The following CCDC88C variants were observed in gnomAD, a reference collection of about 807,000 sequenced individuals.
The protein encoded by CCDC88C is coiled-coil and HOOK domain protein 88C, also known as protein Daple.
In CCDC88C, 131 loss-of-function variants were observed where a neutral mutation model predicts 198.8. That is an observed-to-expected ratio of 0.66 (90% CI 0.57 to 0.76). The LOEUF (loss-of-function observed/expected upper bound fraction) is 0.76, where lower values mean the gene tolerates loss of function less well. Ranked by LOEUF, CCDC88C falls within the 30% of genes least tolerant of loss-of-function variation. The pLI is 0.00. For missense variants in CCDC88C, 2,553 were observed against 2,631.6 expected (o/e 0.97, Z 0.65); for synonymous variants, 1,166 against 1,114.7 (o/e 1.05, Z -0.92).
rs142197686 is a variant in CCDC88C at position 91,359,646 on chromosome 14, C to T, written c.336G>A (p.Leu112=). Residue 112 remains leucine (L), a synonymous_variant, in exon 4 of 30, where the codon CTG becomes CTA. Transcript: ENST00000389857. ...AAGGGAGCGGCTTTCACTCACCAGA[C>T]AGTGGGTCTCTGCCAATCATCAAAA... ...PNVLMIGRDP[L]SGKSMEEIKK... 4.4e-5 allele frequency: 71 copies of T among 1,606,478 alleles called. 1 individual carries two copies. In the East Asian group the frequency reaches 9.8e-4, roughly 22 times the overall value.
chr14:91,394,154 C>A (rs1017620144), intron 3 of CCDC88C, among the ~76,000 whole-genome samples: 5 of 152,186 alleles, frequency 3.3e-5, no homozygotes, highest in Admixed American at 6.5e-5. Context: ...GCTGGCTAGA[C>A]AAAGTTGAAA....
chr14:91,283,464 G>T lies in CCDC88C; in HGVS notation c.4495C>A (p.Arg1499Ser). 1 of 1,613,032 alleles carries T rather than the reference G, an allele frequency of 6.2e-7. No individual in the cohort carries two copies. The highest frequency in any genetic ancestry group is 8.5e-7 in the Non-Finnish European group (1 of 1,179,538). The change falls in exon 26 of 30, where the codon CGC (arginine) becomes AGC (serine). Residue 1499 changes from arginine (R) to serine (S), a missense_variant. Physicochemically the swap from Arg to Ser is moderately radical, Grantham distance 110. This residue lies in a region of CCDC88C where 1,293 missense variants were observed against 1,219.6 expected (regional missense o/e 1.06). Transcript: ENST00000389857. ...GCCAGATCGGTGGAGGCATCTGTGC[G>T]GTCAAGGCTGCCTCTGTGTGGGGAG... ...RGSPHRGSLD[R>S]TDASTDLAMR... is the part of the protein sequence containing the mutation.
rs1192228684 is a variant in CCDC88C at position 91,313,604 on chromosome 14, C to G, written c.2212G>C (p.Glu738Gln). The change falls in exon 15 of 30, where the codon GAG becomes CAG. Residue 738 changes from glutamate to glutamine, a missense_variant. Around this residue, in one of 2 missense-constraint regions of CCDC88C, gnomAD observed 1,260 missense variants for 1,412.0 expected, o/e 0.89. Transcript: ENST00000389857. The surrounding 1 kb of genome is among the most constrained non-coding windows in gnomAD (Gnocchi z 5.2). Reference sequence around the variant, plus strand: ...AGATCCACGTTCTTCCTCAGCTCCTCCTTCTCACGCTCCAGCTGCTGGTTC... The same window carrying G: ...AGATCCACGTTCTTCCTCAGCTCCTGCTTCTCACGCTCCAGCTGCTGGTTC... Reference protein sequence around the residue: ...RENQQLEREKEELRKNVDLLK... With the variant: ...RENQQLEREKQELRKNVDLLK... 6.2e-7 allele frequency: 1 copy of G among 1,612,708 alleles called. No individual in the cohort carries two copies. Among genetic ancestry groups the G allele is most frequent in the East Asian group, 2.2e-5 (1 of 44,876 alleles).
intron 10 of CCDC88C, 116 bp downstream of exon 10, chr14:91,337,889 C>T (rs909833552): frequency 6.1e-6 from 8 of 1,305,046 alleles, no homozygotes; most frequent in Middle Eastern, 2.5e-4. Context: ...GGGGAAGCAT[C>T]TGCTGAAACA....
In CCDC88C at chr14:91,325,156, G is replaced by A. The variant is rs1415693395; in HGVS notation, c.1198-233C>T. On this transcript the variant is annotated intron_variant, in intron 11 of 29. Coordinates refer to ENST00000389857, the MANE Select transcript of CCDC88C (RefSeq NM_001080414.4). The surrounding 1 kb of genome is among the most constrained non-coding windows in gnomAD (Gnocchi z 4.1). ...CTAGGTTATGAAGACAGACCCGGCC[G>A]GGGTCCCTAACTGAATGCTGTCTGA... 6.6e-5 allele frequency among the ~76,000 whole-genome samples: 10 copies of A among 152,198 alleles called. No homozygotes were observed. Among genetic ancestry groups the A allele is most frequent in the South Asian group, 4.1e-4 (2 of 4,832 alleles).
intron 22 of CCDC88C, among the ~76,000 whole-genome samples, chr14:91,295,909 T>C (rs1890982080): frequency 6.6e-6 from 1 of 152,100 alleles, no homozygotes; most frequent in South Asian, 2.1e-4. Context: ...TGATGTCCTT[T>C]CAAGAAAAGG....
chr14:91,359,001 C>A (rs1430347574), intron 4 of CCDC88C, among the ~76,000 whole-genome samples: 1 of 152,162 alleles, frequency 6.6e-6, no homozygotes, highest in African/African-American at 2.4e-5. Flanking sequence ...AGGTACCACA[C>A]TCCCTGATGG....
At chr14:91,285,258 T>TA (rs550595203) in intron 25 of CCDC88C, 29 of 253,142 alleles carry the variant, frequency 1.1e-4, no homozygotes, top group East Asian at 6.1e-4. Context: ...AAATAAGTCT[T>TA]AAAAAAAACC....
intron 2 of CCDC88C, among the ~76,000 whole-genome samples, chr14:91,412,835 A>C (rs1291908342): frequency 6.6e-6 from 1 of 152,164 alleles, no homozygotes; most frequent in Non-Finnish European, 1.5e-5. Flanking sequence ...GTTTTTTCCC[A>C]AGATTTTTGC....
rs756101270 is a variant in CCDC88C at position 91,308,387 on chromosome 14, C to T, written c.2970G>A (p.Ala990=). The T allele has an allele frequency of 5.6e-6, 9 of 1,614,036 alleles. No homozygotes were observed. The highest frequency in any genetic ancestry group is 1.1e-5 in the South Asian group (1 of 91,086). The change falls in exon 17 of 30, where the codon GCG becomes GCA. Residue 990 remains alanine, a synonymous_variant. Transcript: ENST00000389857. The part of the protein sequence containing the change: ...VLLEAQMEEK[A]SLNRQLESEL... The stretch of plus-strand genomic sequence containing the variant: ...CACTCTCTAACTGGCGATTTAGGCT[C>T]GCTTTCTCTTCCATCTGTGCTTCTA...
rs1451720532 is a variant in CCDC88C, at chr14:91,381,838, A to ACAC, written c.271-22128_271-22127insGTG. Among the ~76,000 whole-genome samples, 1 of 149,686 alleles carries ACAC rather than the reference A, an allele frequency of 6.7e-6. No individual in the cohort carries two copies. The highest frequency in any genetic ancestry group is 2.5e-5 in the African/African-American group (1 of 40,664). On this transcript the variant is annotated intron_variant, in intron 3 of 29. Transcript: ENST00000389857. The surrounding 1 kb of genome is among the most constrained non-coding windows in gnomAD (Gnocchi z 4.2). Reference sequence around the variant, plus strand: ...GACTCTGTCTCGAAAAACAAAAACAACAAAAAACCGGCCCTTTCTTGCGAG... The same window carrying ACAC: ...GACTCTGTCTCGAAAAACAAAAACAACACCAAAAAACCGGCCCTTTCTTGCGAG...
intron 13 of CCDC88C, among the ~76,000 whole-genome samples, chr14:91,318,817 C>A (rs1892220384): frequency 6.7e-6 from 1 of 149,268 alleles, no homozygotes; most frequent in Non-Finnish European, 1.5e-5. Flanking sequence ...ACTTGGGAGG[C>A]CGAGACAGGA....
intron 27 of CCDC88C, 191 bp downstream of exon 27, chr14:91,281,266 C>A: frequency 7.0e-7 from 1 of 1,436,342 alleles, no homozygotes; most frequent in Non-Finnish European, 9.4e-7. Flanking sequence ...AGCGAATTCC[C>A]CACCACTGGA....
At chr14:91,322,219 G>A (rs1892385248) in intron 12 of CCDC88C, among the ~76,000 whole-genome samples, 1 of 152,170 alleles carries the variant, frequency 6.6e-6, no homozygotes, top group African/African-American at 2.4e-5. Flanking sequence ...CACCCCAGGG[G>A]CTGTGGGTAC....
chr14:91,357,673 G>A (rs764457634), intron 4 of CCDC88C, among the ~76,000 whole-genome samples: 1 of 152,164 alleles, frequency 6.6e-6, no homozygotes, highest in Non-Finnish European at 1.5e-5. Flanking sequence ...ATCTCCTCCC[G>A]TAACCAGCCC....
chr14:91,414,519 T>C (rs889813115), intron 2 of CCDC88C, among the ~76,000 whole-genome samples: 1 of 152,184 alleles, frequency 6.6e-6, no homozygotes, highest in Admixed American at 6.5e-5. Context: ...CTGCAGGACA[T>C]TTCAACTACC....
chr14:91,309,978 C>T lies in CCDC88C; in HGVS notation c.2745G>A (p.Val915=). The T allele has an allele frequency of 6.3e-7, 1 of 1,597,908 alleles. No individual in the cohort carries two copies. The highest frequency in any genetic ancestry group is 1.1e-5 in the South Asian group (1 of 88,524). ...GCTGCTGGCTCTTCAGCTTCTCGAGCACCAGGTCCTGGAATGATGGGGAGA... is the reference window on the plus strand; with the variant it reads ...GCTGCTGGCTCTTCAGCTTCTCGAGTACCAGGTCCTGGAATGATGGGGAGA... The part of the protein sequence containing the change: ...RTLTTLREDL[V]LEKLKSQQLS... Residue 915 remains valine (V), a synonymous_variant, in exon 16 of 30, where the codon GTG becomes GTA. Transcript: ENST00000389857.
chr14:91,306,114 A>G (rs1435721260), intron 18 of CCDC88C, among the ~76,000 whole-genome samples, 188 bp from the exon 19 acceptor site: 1 of 152,188 alleles, frequency 6.6e-6, no homozygotes, highest in East Asian at 1.9e-4. Flanking sequence ...TTTAAAGGCT[A>G]CACATCATGG....
chr14:91,314,002 T>C lies in CCDC88C; in HGVS notation c.1814A>G (p.Lys605Arg). Residue 605 changes from lysine to arginine, a missense_variant, in exon 15 of 30, where the codon AAG becomes AGG. Coordinates refer to ENST00000389857, the MANE Select transcript of CCDC88C (RefSeq NM_001080414.4). ...CTTCTCAAACTCCAACTGGCTGAGC[T>C]TGCCATTGGCCTCCGTCACCGTCTG... ...LHQTVTEANG[K>R]LSQLEFEKRQ... 1.2e-6 allele frequency: 2 copies of C among 1,613,900 alleles called. No individual in the cohort carries two copies. Among genetic ancestry groups the C allele is most frequent in the Non-Finnish European group, 1.7e-6 (2 of 1,179,876 alleles).
Sources: gnomAD v4.1 joint callset for allele counts (sites outside exome capture counted in the v4.1 genomes callset) on GRCh38, gnomAD v4.1.1 for gene constraint, gnomAD v4.1.1 regional missense constraint, Gnocchi (gnomAD v3.1) non-coding constraint, MANE v1.5 for transcripts, NCBI Gene and HGNC (gene_info 2026-07-23, HGNC 2026-07-21) for gene names.